Variants in CCDC34 observed in about 807,000 individuals in gnomAD.
The protein encoded by CCDC34 is coiled-coil domain-containing protein 34.
CCDC34 carries 40 observed loss-of-function variants against 44.1 expected under a neutral mutation model. The ratio of observed to expected loss-of-function variants is 0.91; its 90% CI spans 0.70 to 1.18. CCDC34 has a LOEUF of 1.18. Ranked by LOEUF, CCDC34 falls within the 50% of genes most tolerant of loss-of-function variation. CCDC34 has a pLI of 0.00. For synonymous variants in CCDC34, 159 were observed against 158.2 expected (o/e 1.01, Z -0.04); for missense variants, 466 against 452.3 (o/e 1.03, Z -0.28).
At chr11:27,349,882 G>A (rs189985481) in intron 3 of CCDC34, 2 of 998,016 alleles carry the variant, frequency 2.0e-6, no homozygotes, top group Non-Finnish European at 2.4e-6. Flanking sequence ...ACAAACAGGG[G>A]AGTAGTAATT....
Position 27,350,244 on chromosome 11 carries a change from T to C in CCDC34, c.606+88A>G, listed in dbSNP as rs747671085. 4.4e-6 allele frequency: 7 copies of C among 1,601,908 alleles called. No homozygotes were observed. In the East Asian group the frequency reaches 1.6e-4, roughly 36 times the overall value. ...AAGAAGAAAGACTCTAAGAGAAGTA[T>C]TTTTTAAAACCTAGGTAATGAAGTA... On this transcript the variant is annotated intron_variant, in intron 3 of 5. Transcript: ENST00000328697.
At chr11:27,342,252 AT>A (rs1008339097) in intron 3 of CCDC34, among the ~76,000 whole-genome samples, 6 of 150,090 alleles carry the variant, frequency 4.0e-5, no homozygotes, top group Admixed American at 1.3e-4. Flanking sequence ...GAATCTTAGT[AT>A]TTTTTAATGG....
chr11:27,358,180 T>C (rs1436793250), intron 1 of CCDC34, among the ~76,000 whole-genome samples: 2 of 152,170 alleles, frequency 1.3e-5, no homozygotes, highest in African/African-American at 2.4e-5. Context: ...CCTCCTACCA[T>C]AGTCTCCATC....
intron 2 of CCDC34, among the ~76,000 whole-genome samples, chr11:27,354,942 C>CT (rs1862554224): frequency 1.3e-5 from 2 of 152,130 alleles, no homozygotes; most frequent in Admixed American, 6.6e-5. Context: ...GATGAAGAAA[C>CT]TGAGGCTCAG....
intron 3 of CCDC34, 43 bp from the exon 4 acceptor site, chr11:27,341,593 T>G (rs1862360254): frequency 1.1e-6 from 1 of 886,780 alleles, no homozygotes; most frequent in East Asian, 2.8e-5. Context: ...TACCAGTAAT[T>G]ATACTCATCT....
chr11:27,342,765 G>GA (rs550711657), intron 3 of CCDC34, among the ~76,000 whole-genome samples: 11 of 150,954 alleles, frequency 7.3e-5, no homozygotes, highest in South Asian at 2.1e-4. Flanking sequence ...GCCCTTTATA[G>GA]AAAAAAAAAT....
intron 1 of CCDC34, among the ~76,000 whole-genome samples, chr11:27,359,520 C>T (rs988258438): frequency 2.6e-5 from 4 of 151,578 alleles, no homozygotes; most frequent in Non-Finnish European, 4.4e-5. Flanking sequence ...ACGGTGTCTC[C>T]CTCTGTCGTC....
chr11:27,350,043 G>A, intron 3 of CCDC34: 1 of 1,254,704 alleles, frequency 8.0e-7, no homozygotes, highest in Non-Finnish European at 1.0e-6. Flanking sequence ...TTGCAGACTT[G>A]GAGGCACTTG....
In CCDC34 at chr11:27,363,115, CGAGACCT is replaced by C; in HGVS notation, c.73_79del (p.Arg25GlyfsTer11). 2.5e-6 allele frequency: 4 copies of C among 1,584,472 alleles called. No individual in the cohort carries two copies. The highest frequency in any genetic ancestry group is 3.4e-6 in the Non-Finnish European group (4 of 1,164,840). Reference sequence around the variant, plus strand: ...GACTGAGCAGGAGTCCGAGGAGGGCCGAGACCTGGGTCTGCAGTCAGCAGAGAAACCG... The same window carrying C: ...GACTGAGCAGGAGTCCGAGGAGGGCCGGGTCTGCAGTCAGCAGAGAAACCG... On this transcript the variant is annotated frameshift_variant, in exon 1 of 6. Transcript: ENST00000328697. LOFTEE classifies it high-confidence loss of function.
chr11:27,345,537 T>G (rs1287653845), intron 3 of CCDC34, among the ~76,000 whole-genome samples: 6 of 152,114 alleles, frequency 3.9e-5, no homozygotes, highest in Non-Finnish European at 8.8e-5. Flanking sequence ...CATGCGATGT[T>G]TGGTTTTTTG....
chr11:27,350,244 T>A, intron 3 of CCDC34, 88 bp downstream of exon 3: 1 of 1,601,908 alleles, frequency 6.2e-7, no homozygotes, highest in Middle Eastern at 1.7e-4. Context: ...AAGAGAAGTA[T>A]TTTTTAAAAC....
At chr11:27,355,173 GA>G (rs1862557903) in intron 2 of CCDC34, among the ~76,000 whole-genome samples, 1 of 152,092 alleles carries the variant, frequency 6.6e-6, no homozygotes, top group Non-Finnish European at 1.5e-5. Context: ...ACCAGAAATT[GA>G]ATTTTGTTCT....
At chr11:27,341,272 CTT>C (rs1862353733) in intron 4 of CCDC34, 118 bp downstream of exon 4, 1 of 598,546 alleles carries the variant, frequency 1.7e-6, no homozygotes, top group Non-Finnish European at 2.8e-6. Context: ...AGGATAGCTT[CTT>C]GTGTTTATTT....
intron 1 of CCDC34, among the ~76,000 whole-genome samples, chr11:27,361,463 C>A (rs1354766807): frequency 1.3e-5 from 2 of 152,182 alleles, no homozygotes; most frequent in African/African-American, 4.8e-5. Context: ...ACCTTTGAGA[C>A]CAACTCAGTC....
Position 27,350,386 on chromosome 11 carries a change from T to C in CCDC34, c.552A>G (p.Arg184=). 7 of 1,613,338 alleles carry C rather than the reference T, an allele frequency of 4.3e-6. No individual in the cohort carries two copies. Among genetic ancestry groups the C allele is most frequent in the Non-Finnish European group, 5.9e-6 (7 of 1,179,644 alleles). ...TGTGCTTTTCTTCAGCAATTATCTTTCTTTTTTCACGTTCTTCCATTTCTT... is the reference window on the plus strand; with the variant it reads ...TGTGCTTTTCTTCAGCAATTATCTTCCTTTTTTCACGTTCTTCCATTTCTT... ...KRKEMEEREK[R]KIIAEEKHKE... is the part of the protein sequence containing the mutation. Residue 184 remains arginine, a synonymous_variant, in exon 3 of 6, where the codon AGA becomes AGG. Transcript: ENST00000328697.
chr11:27,359,733 C>T (rs905214051), intron 1 of CCDC34, among the ~76,000 whole-genome samples: 1 of 152,182 alleles, frequency 6.6e-6, no homozygotes, highest in Admixed American at 6.5e-5. Flanking sequence ...TTGTGGCTGG[C>T]TACCTTACAG....
chr11:27,341,457 CT>C lies in CCDC34; in HGVS notation c.699del (p.Glu234LysfsTer7). On this transcript the variant is annotated frameshift_variant, in exon 4 of 6. Coordinates refer to ENST00000328697, the MANE Select transcript of CCDC34 (RefSeq NM_030771.2). LOFTEE classifies it high-confidence loss of function. Reference protein sequence around the residue: ...LEKEYLQEKAKEKYQEWLKKK... With the variant: ...LEKEYLQEKAXEKYQEWLKKK... ...TTCTTTAACCATTCTTGATATTTTT[CT>C]TTTGCTTTTTCTTGCAAGTATTCTT... 1.4e-6 allele frequency: 2 copies of C among 1,455,698 alleles called. No individual in the cohort carries two copies. Among genetic ancestry groups the C allele is most frequent in the Non-Finnish European group, 1.9e-6 (2 of 1,077,384 alleles). 90.2% of individuals were successfully genotyped at this position (1,455,698 alleles called of 1,614,324 possible). A position where few individuals can be genotyped will look rare whatever the true frequency, so the allele number is the denominator to read the frequency against.
intron 2 of CCDC34, among the ~76,000 whole-genome samples, chr11:27,356,429 T>A (rs1274504751): frequency 6.6e-6 from 1 of 152,026 alleles, no homozygotes; most frequent in Non-Finnish European, 1.5e-5. Flanking sequence ...TATATTTAAA[T>A]AATATTAGAC....
At chr11:27,359,826 C>T (rs1862636378) in intron 1 of CCDC34, among the ~76,000 whole-genome samples, 1 of 152,170 alleles carries the variant, frequency 6.6e-6, no homozygotes, top group Admixed American at 6.5e-5. Context: ...TCATTTATGA[C>T]GAACTCCTAC....
Sources: gnomAD v4.1 joint callset for allele counts (sites outside exome capture counted in the v4.1 genomes callset) on GRCh38, gnomAD v4.1.1 for gene constraint, MANE v1.5 for transcripts, NCBI Gene and HGNC (gene_info 2026-07-23, HGNC 2026-07-21) for gene names.